Variants in PCDH9 observed in about 807,000 individuals in gnomAD.
PCDH9 encodes the protein protocadherin 9.
Under a neutral mutation model 70.6 loss-of-function variants are expected in PCDH9, and 24 were observed. That is an observed-to-expected ratio of 0.34 (90% CI 0.25 to 0.48). PCDH9 has a LOEUF of 0.48. Among genes scored for constraint, PCDH9 ranks in the 20% least tolerant of loss-of-function variants. The probability of loss-of-function intolerance (pLI) is 0.99; values close to 1 mark genes in which losing one functional copy is unlikely to be tolerated. For missense variants in PCDH9, 1,281 were observed against 1,503.6 expected, an observed-to-expected ratio of 0.85 and a Z score of 2.45; for synonymous variants, 562 against 558.5, an observed-to-expected ratio of 1.01 and a Z score of -0.09.
intron 3 of PCDH9, among the ~76,000 whole-genome samples, chr13:66,691,798 A>C (rs2078490900): frequency 6.6e-6 from 1 of 152,168 alleles, no homozygotes. Flanking sequence ...AAAATATTAC[A>C]TTGTGTTTAC....
intron 3 of PCDH9, among the ~76,000 whole-genome samples, chr13:66,850,057 C>T (rs2081288957): frequency 1.3e-5 from 2 of 151,608 alleles, no homozygotes; most frequent in Non-Finnish European, 2.9e-5. Flanking sequence ...TTTAGTGGCA[C>T]AAAATTATTG....
chr13:66,540,341 C>T (rs141181911), intron 4 of PCDH9, among the ~76,000 whole-genome samples: 23 of 152,214 alleles, frequency 1.5e-4, no homozygotes, highest in African/African-American at 5.3e-4. Flanking sequence ...CATTGTAGTG[C>T]TGCTTTTGTA....
intron 4 of PCDH9, among the ~76,000 whole-genome samples, chr13:66,420,262 G>A (rs900764562): frequency 2.0e-5 from 3 of 152,160 alleles, no homozygotes; most frequent in South Asian, 2.1e-4. Flanking sequence ...AGACTTAAAC[G>A]TTCCTGCCTG....
chr13:66,804,746 C>T (rs918281960), intron 3 of PCDH9, among the ~76,000 whole-genome samples: 14 of 152,106 alleles, frequency 9.2e-5, no homozygotes, highest in Non-Finnish European at 2.1e-4. Flanking sequence ...ATAAATGACA[C>T]ATCCCAACAT....
At chr13:66,926,293 C>G (rs994682989) in intron 2 of PCDH9, among the ~76,000 whole-genome samples, 25 of 151,962 alleles carry the variant, frequency 1.6e-4, no homozygotes, top group Non-Finnish European at 5.9e-5. Context: ...CTCACAGTAT[C>G]TTGTAGTAAT....
At chr13:66,417,353 G>GAA (rs1957478877) in intron 4 of PCDH9, among the ~76,000 whole-genome samples, 1 of 152,150 alleles carries the variant, frequency 6.6e-6, no homozygotes, top group Non-Finnish European at 1.5e-5. Context: ...CAAAGGACAG[G>GAA]AACTCATTCT....
chr13:67,005,835 G>A (rs1384415027), intron 2 of PCDH9, among the ~76,000 whole-genome samples: 1 of 152,144 alleles, frequency 6.6e-6, no homozygotes, highest in Non-Finnish European at 1.5e-5. Context: ...TAGGTATTTA[G>A]TCCTGCCCTA....
At chr13:66,461,487 T>A (rs1278424105) in intron 4 of PCDH9, among the ~76,000 whole-genome samples, 1 of 151,608 alleles carries the variant, frequency 6.6e-6, no homozygotes, top group Non-Finnish European at 1.5e-5. Context: ...TAACTTATAT[T>A]TTTTAATGCA....
chr13:67,161,970 G>A (rs2087974938), intron 2 of PCDH9, among the ~76,000 whole-genome samples: 1 of 152,122 alleles, frequency 6.6e-6, no homozygotes, highest in Non-Finnish European at 1.5e-5. Flanking sequence ...ATTGGAGAAG[G>A]CCAAAACTTA....
At chr13:66,702,342 T>G (rs1260388056) in intron 3 of PCDH9, among the ~76,000 whole-genome samples, 1 of 152,076 alleles carries the variant, frequency 6.6e-6, no homozygotes, top group Admixed American at 6.6e-5. Context: ...AAAATAGATC[T>G]ATGTATGTAT....
At chr13:66,613,676 C>T (rs2077320937) in intron 4 of PCDH9, among the ~76,000 whole-genome samples, 1 of 152,168 alleles carries the variant, frequency 6.6e-6, no homozygotes, top group Non-Finnish European at 1.5e-5. Context: ...TTCTCCTAGC[C>T]CTGTCTCTTC....
intron 4 of PCDH9, among the ~76,000 whole-genome samples, chr13:66,622,631 G>T (rs527995230): frequency 4.6e-5 from 7 of 152,272 alleles, no homozygotes; most frequent in Admixed American, 3.9e-4. Flanking sequence ...AGCTAATCTG[G>T]TGGCCTAGTG....
chr13:66,610,999 A>G (rs535186146), intron 4 of PCDH9, among the ~76,000 whole-genome samples: 1 of 152,170 alleles, frequency 6.6e-6, no homozygotes, highest in Non-Finnish European at 1.5e-5. Flanking sequence ...TTTTTCATTC[A>G]TTGAAAAATT....
intron 3 of PCDH9, among the ~76,000 whole-genome samples, chr13:66,651,428 A>C (rs2077850102): frequency 6.6e-6 from 1 of 152,012 alleles, no homozygotes; most frequent in South Asian, 2.1e-4. Context: ...TCCCAGACAC[A>C]TACAACCTAC....
intron 2 of PCDH9, among the ~76,000 whole-genome samples, chr13:67,122,477 A>G (rs1403902512): frequency 1.3e-5 from 2 of 152,104 alleles, no homozygotes; most frequent in East Asian, 1.9e-4. Flanking sequence ...ACTAACATAT[A>G]AAAAGGAAAT....
intron 3 of PCDH9, among the ~76,000 whole-genome samples, chr13:66,715,997 T>C (rs1023081958): frequency 3.3e-5 from 5 of 152,314 alleles, no homozygotes; most frequent in Admixed American, 6.5e-5. Context: ...GAAGTAGTTA[T>C]AGAAACCACT....
chr13:66,822,287 A>G (rs1267050671), intron 3 of PCDH9, among the ~76,000 whole-genome samples: 1 of 152,144 alleles, frequency 6.6e-6, no homozygotes, highest in Non-Finnish European at 1.5e-5. Flanking sequence ...ACATTTATAT[A>G]TAATTACTAG....
At chr13:66,841,868 A>G (rs907210315) in intron 3 of PCDH9, among the ~76,000 whole-genome samples, 10 of 152,210 alleles carry the variant, frequency 6.6e-5, no homozygotes, top group Non-Finnish European at 1.3e-4. Context: ...TACTTGGGAA[A>G]ATATACAATC....
chr13:67,009,705 C>T lies in PCDH9; in HGVS notation c.3037-106100G>A, dbSNP rs1484032105. The stretch of plus-strand genomic sequence containing the variant: ...CAAGACCATTTATTTATTTACTAAA[C>T]GGATCTAACTCTTTTTTTATTGATG... On this transcript the variant is annotated intron_variant, in intron 2 of 4. Coordinates refer to ENST00000377865, the MANE Select transcript of PCDH9 (RefSeq NM_203487.3). Among the ~76,000 whole-genome samples the T allele has an allele frequency of 5.3e-5, 8 of 152,160 alleles. No homozygotes were observed. In the East Asian group the frequency reaches 5.8e-4, roughly 11 times the overall value.
Sources: allele counts gnomAD v4.1 joint callset (sites outside exome capture counted in the v4.1 genomes callset), GRCh38; gene constraint gnomAD v4.1.1; transcripts MANE v1.5; gene names NCBI Gene and HGNC (gene_info 2026-07-23, HGNC 2026-07-21).